HDLBP: variants seen among roughly 807,000 people sequenced by gnomAD.
The protein encoded by HDLBP is high density lipoprotein binding protein.
HDLBP carries 30 observed loss-of-function variants against 137.3 expected under a neutral mutation model. The observed-to-expected ratio is 0.22, with a 90% CI of 0.16 to 0.30. The LOEUF (loss-of-function observed/expected upper bound fraction) is 0.30. Among genes scored for constraint, HDLBP ranks in the 10% least tolerant of loss-of-function variants. The probability of loss-of-function intolerance (pLI) is 1.00; values close to 1 mark genes in which losing one functional copy is unlikely to be tolerated. For missense variants in HDLBP, 1,119 were observed against 1,667.3 expected, an observed-to-expected ratio of 0.67 and a Z score of 5.73; for synonymous variants, 606 against 596.0, an observed-to-expected ratio of 1.02 and a Z score of -0.24.
At chr2:241,280,972 C>A (rs1192901456) in intron 1 of HDLBP, among the ~76,000 whole-genome samples, 4 of 152,194 alleles carry the variant, frequency 2.6e-5, no homozygotes. Context: ...CAGAAACAAT[C>A]AGCACATATT....
intron 2 of HDLBP, among the ~76,000 whole-genome samples, 197 bp from the exon 3 acceptor site, chr2:241,267,103 A>C (rs536603550): frequency 1.3e-4 from 20 of 152,330 alleles, no homozygotes; most frequent in African/African-American, 4.6e-4. Flanking sequence ...AATGCAAGTA[A>C]AGGAGGTCCT....
At chr2:241,303,639 G>A (rs116016724) in intron 1 of HDLBP, among the ~76,000 whole-genome samples, 15 of 152,092 alleles carry the variant, frequency 9.9e-5, no homozygotes, top group African/African-American at 3.1e-4. Flanking sequence ...GCCATTCGTC[G>A]AGACCACACA....
At chr2:241,274,532 A>C (rs1331355326) in intron 1 of HDLBP, among the ~76,000 whole-genome samples, 1 of 152,192 alleles carries the variant, frequency 6.6e-6, no homozygotes, top group Non-Finnish European at 1.5e-5. Flanking sequence ...AGGGAGATGG[A>C]GAAAGAGTAA....
chr2:241,229,750 C>T (rs752995230), intron 27 of HDLBP, 63 bp from the exon 28 acceptor site: 20 of 1,608,430 alleles, frequency 1.2e-5, no homozygotes, highest in East Asian at 2.2e-5. Context: ...CAGCTTCCGA[C>T]GCAGTTGCCA....
chr2:241,285,340 T>A (rs7585516), intron 1 of HDLBP, among the ~76,000 whole-genome samples: 1 of 152,120 alleles, frequency 6.6e-6, no homozygotes, highest in African/African-American at 2.4e-5. Context: ...GCAGTGTGCC[T>A]GATGTGCACT....
chr2:241,264,450 G>C lies in HDLBP; in HGVS notation c.232C>G (p.Gln78Glu). The change falls in exon 4 of 28, where the codon CAG becomes GAG. Residue 78 changes from glutamine (Q) to glutamate (E), a missense_variant and splice_region_variant. Around this residue, in one of 4 missense-constraint regions of HDLBP, gnomAD observed 59 missense variants for 92.4 expected, o/e 0.64. Transcript: ENST00000310931. ...IRPIKASVIT[Q>E]VFHVPLEERK... Reference sequence around the variant, plus strand: ...AAAAGAAAGAATGGTGTTTCTACCTGAGTGATGACAGAAGCCTTGATGGGT... The same window carrying C: ...AAAAGAAAGAATGGTGTTTCTACCTCAGTGATGACAGAAGCCTTGATGGGT... The C allele has an allele frequency of 6.2e-7, 1 of 1,607,138 alleles. No individual in the cohort carries two copies. The highest frequency in any genetic ancestry group is 8.5e-7 in the Non-Finnish European group (1 of 1,174,996).
chr2:241,276,645 T>C (rs868539618), intron 1 of HDLBP, among the ~76,000 whole-genome samples: 1 of 152,150 alleles, frequency 6.6e-6, no homozygotes, highest in Non-Finnish European at 1.5e-5. Flanking sequence ...GAGCAAATAC[T>C]AACCATATGA....
At chr2:241,300,519 T>C (rs1281803234) in intron 1 of HDLBP, among the ~76,000 whole-genome samples, 2 of 152,192 alleles carry the variant, frequency 1.3e-5, no homozygotes, top group African/African-American at 4.8e-5. Flanking sequence ...AAGACAAGCA[T>C]AAGTACATAC....
intron 1 of HDLBP, among the ~76,000 whole-genome samples, chr2:241,287,311 T>C (rs1389172756): frequency 1.3e-5 from 2 of 151,860 alleles, no homozygotes; most frequent in Non-Finnish European, 2.9e-5. Context: ...GGGTTTCACA[T>C]TGTTGGCCAG....
chr2:241,284,772 C>G (rs1180084195), intron 1 of HDLBP, among the ~76,000 whole-genome samples: 1 of 152,216 alleles, frequency 6.6e-6, no homozygotes, highest in Non-Finnish European at 1.5e-5. Context: ...GCAACCTCTG[C>G]TCTGATCAGT....
At chr2:241,300,994 T>A (rs866562881) in intron 1 of HDLBP, among the ~76,000 whole-genome samples, 12 of 138,868 alleles carry the variant, frequency 8.6e-5, no homozygotes, top group Non-Finnish European at 4.8e-5. Flanking sequence ...TATTATTATT[T>A]TGAGACGAGT....
intron 1 of HDLBP, among the ~76,000 whole-genome samples, chr2:241,276,030 A>G (rs935992667): frequency 2.0e-5 from 3 of 152,218 alleles, no homozygotes; most frequent in African/African-American, 7.2e-5. Flanking sequence ...ATAAAATTTG[A>G]AGGGAATTAA....
rs141981790 is a variant in HDLBP, at chr2:241,242,601, G to T, written c.2028C>A (p.Ile676=). ...CGCCGCACTCCTCCATGATGGAGCG[G>T]ATCAGACGGCCCTTGGTGCCAATGA... ...NSLIGTKGRL[I]RSIMEECGGV... Residue 676 remains isoleucine, a synonymous_variant, in exon 17 of 28, where the codon ATC becomes ATA. Coordinates refer to ENST00000310931, the MANE Select transcript of HDLBP (RefSeq NM_005336.6). The T allele has an allele frequency of 1.1e-4, 181 of 1,614,228 alleles. No individual in the cohort carries two copies. The African/African-American group carries it at 2.1e-3, about 18-fold the overall frequency.
At chr2:241,279,128 A>C (rs1374914852) in intron 1 of HDLBP, among the ~76,000 whole-genome samples, 3 of 152,234 alleles carry the variant, frequency 2.0e-5, no homozygotes, top group Admixed American at 2.0e-4. Flanking sequence ...TGACCTTAAT[A>C]AATGGAGACA....
At chr2:241,294,339 G>A (rs920884759) in intron 1 of HDLBP, among the ~76,000 whole-genome samples, 1 of 152,152 alleles carries the variant, frequency 6.6e-6, no homozygotes, top group Admixed American at 6.5e-5. Flanking sequence ...GTTTACACAT[G>A]GTAGAAAGAG....
intron 21 of HDLBP, chr2:241,236,084 C>G (rs2070388673): frequency 5.2e-6 from 1 of 191,056 alleles, no homozygotes; most frequent in Non-Finnish European, 1.1e-5. Context: ...CCTCCAGAAC[C>G]TGCTTTCTTG....
chr2:241,252,943 A>C lies in HDLBP; in HGVS notation c.1372+14T>G. On this transcript the variant is annotated intron_variant, in intron 11 of 27. Transcript: ENST00000310931. ...GGGCACACTGGCCCCACCGCAACAGACAGCCTCACTCACTGTTGGCACCGC... is the reference window on the plus strand; with the variant it reads ...GGGCACACTGGCCCCACCGCAACAGCCAGCCTCACTCACTGTTGGCACCGC... The C allele has an allele frequency of 6.3e-7, 1 of 1,588,746 alleles. No individual in the cohort carries two copies. Among genetic ancestry groups the C allele is most frequent in the Non-Finnish European group, 8.6e-7 (1 of 1,158,220 alleles).
Position 241,249,864 on chromosome 2 carries a change from G to A in HDLBP, c.1489C>T (p.Leu497=), listed in dbSNP as rs769196137. Residue 497 remains leucine, a synonymous_variant, in exon 12 of 28, where the codon CTG becomes TTG. Transcript: ENST00000310931. ...ACCATGCGAGATGCAAGCTCCAGCA[G>A]CTCTCGCTTGGCCTGCTGCACGCCC... ...PQGVQQAKRE[L]LELASRMENE... 1 of 1,611,256 alleles carries A rather than the reference G, an allele frequency of 6.2e-7. No individual in the cohort carries two copies. The highest frequency in any genetic ancestry group is 2.2e-5 in the East Asian group (1 of 44,878).
chr2:241,238,653 G>A lies in HDLBP; in HGVS notation c.2745C>T (p.Asn915=), dbSNP rs769444070. The A allele has an allele frequency of 1.5e-5, 24 of 1,565,952 alleles. 1 individual carries two copies. Among genetic ancestry groups the A allele is most frequent in the South Asian group, 1.0e-4 (9 of 85,764 alleles). The change falls in exon 20 of 28, where the codon AAC becomes AAT. Residue 915 remains asparagine (N), a synonymous_variant. Coordinates refer to ENST00000310931, the MANE Select transcript of HDLBP (RefSeq NM_005336.6). This position sits in a 1 kb window ranked among gnomAD's most constrained non-coding sequence, Gnocchi z 4.9. ...VQIKFPDREE[N]AVHSTEPVVQ... Reference sequence around the variant, plus strand: ...CAGGGCTAATGGGGGACCCACCTGCGTTCTCCTCTCTGTCTGGGAATTTAA... The same window carrying A: ...CAGGGCTAATGGGGGACCCACCTGCATTCTCCTCTCTGTCTGGGAATTTAA...
Sources: gnomAD v4.1 joint callset for allele counts (sites outside exome capture counted in the v4.1 genomes callset) on GRCh38, gnomAD v4.1.1 for gene constraint, gnomAD v4.1.1 regional missense constraint, Gnocchi (gnomAD v3.1) non-coding constraint, MANE v1.5 for transcripts, NCBI Gene and HGNC (gene_info 2026-07-23, HGNC 2026-07-21) for gene names.